Variants in FRAS1 observed in about 807,000 individuals in gnomAD.
FRAS1 encodes extracellular matrix organizing protein FRAS1.
A neutral mutation model predicts 435.2 loss-of-function variants in FRAS1; 290 were observed. The observed-to-expected ratio is 0.67, with a 90% CI of 0.61 to 0.73. The LOEUF is 0.73. Among genes scored for constraint, FRAS1 ranks in the 30% least tolerant of loss-of-function variants. FRAS1 has a pLI of 0.00. For synonymous variants in FRAS1, 1,800 were observed against 1,851.0 expected, an observed-to-expected ratio of 0.97 and a Z score of 0.71; for missense variants, 4,860 against 5,001.5, an observed-to-expected ratio of 0.97 and a Z score of 0.85.
chr4:78,103,205 T>C (rs1200107282), intron 2 of FRAS1, among the ~76,000 whole-genome samples: 1 of 152,252 alleles, frequency 6.6e-6, no homozygotes, highest in Non-Finnish European at 1.5e-5. Flanking sequence ...AACTGGTGGA[T>C]AAACTCATGG....
At chr4:78,152,926 A>C (rs1402520186) in intron 2 of FRAS1, among the ~76,000 whole-genome samples, 1 of 152,070 alleles carries the variant, frequency 6.6e-6, no homozygotes, top group African/African-American at 2.4e-5. Flanking sequence ...CGTCCTACTC[A>C]GTTTACTGCC....
intron 2 of FRAS1, among the ~76,000 whole-genome samples, chr4:78,217,591 C>G (rs1723823873): frequency 6.6e-6 from 1 of 152,088 alleles, no homozygotes; most frequent in African/African-American, 2.4e-5. Context: ...GTTTAGTCTG[C>G]TTATACCTAT....
At chr4:78,290,267 T>C (rs918958807) in intron 14 of FRAS1, among the ~76,000 whole-genome samples, 1 of 152,190 alleles carries the variant, frequency 6.6e-6, no homozygotes, top group Non-Finnish European at 1.5e-5. Context: ...GTATCAATGT[T>C]TTGTTTGTCT....
chr4:78,200,574 G>T (rs891263960), intron 2 of FRAS1, among the ~76,000 whole-genome samples: 6 of 152,050 alleles, frequency 3.9e-5, no homozygotes, highest in African/African-American at 1.4e-4. Context: ...TTTTGAAGCG[G>T]GTAAAGGGAT....
chr4:78,387,800 G>C, intron 29 of FRAS1, 99 bp downstream of exon 29: 1 of 786,866 alleles, frequency 1.3e-6, no homozygotes, highest in Non-Finnish European at 1.9e-6. Context: ...GATATGGGTA[G>C]TCATTCACTT....
intron 47 of FRAS1, among the ~76,000 whole-genome samples, chr4:78,452,993 A>T (rs189554009): frequency 6.6e-6 from 1 of 152,208 alleles, no homozygotes; most frequent in Admixed American, 6.5e-5. Context: ...GAGTTTGGGT[A>T]TACAGAATTT....
chr4:78,071,432 T>C (rs769321608), intron 2 of FRAS1: 2 of 152,218 alleles, frequency 1.3e-5, no homozygotes, highest in Admixed American at 6.5e-5. Context: ...GAGTGAGTTA[T>C]AGAGTCCAGG....
chr4:78,116,014 A>T (rs1743143858), intron 2 of FRAS1, among the ~76,000 whole-genome samples: 1 of 152,044 alleles, frequency 6.6e-6, no homozygotes, highest in Non-Finnish European at 1.5e-5. Flanking sequence ...TGTCCCAGAG[A>T]TTCTGGTATG....
At chr4:78,398,754 G>A (rs1341128306) in intron 29 of FRAS1, among the ~76,000 whole-genome samples, 3 of 152,174 alleles carry the variant, frequency 2.0e-5, no homozygotes, top group Non-Finnish European at 4.4e-5. Context: ...GGAGGCCGAG[G>A]CAGGCAGATC....
At chr4:78,204,487 C>A (rs1319295797) in intron 2 of FRAS1, among the ~76,000 whole-genome samples, 8 of 152,164 alleles carry the variant, frequency 5.3e-5, no homozygotes, top group African/African-American at 1.9e-4. Context: ...TAAGTGCTAA[C>A]TAAAGGAATA....
At chr4:78,378,298 A>G (rs1421579176) in intron 26 of FRAS1, among the ~76,000 whole-genome samples, 1 of 152,164 alleles carries the variant, frequency 6.6e-6, no homozygotes, top group Non-Finnish European at 1.5e-5. Context: ...ATTTTGTGAC[A>G]TACCACATTT....
chr4:78,171,309 C>G (rs987604970), intron 2 of FRAS1, among the ~76,000 whole-genome samples: 1 of 152,178 alleles, frequency 6.6e-6, no homozygotes, highest in South Asian at 2.1e-4. Context: ...AGGCCTATAT[C>G]TGCCAGAATG....
intron 22 of FRAS1, among the ~76,000 whole-genome samples, chr4:78,369,436 G>T (rs556183558): frequency 6.6e-6 from 1 of 152,126 alleles, no homozygotes. Context: ...AATAAAGTTG[G>T]TGCCTAATTT....
chr4:78,476,817 GA>G (rs1303005299), intron 54 of FRAS1, among the ~76,000 whole-genome samples: 1 of 152,040 alleles, frequency 6.6e-6, no homozygotes, highest in Non-Finnish European at 1.5e-5. Context: ...TTTTCTGTTT[GA>G]GTAAAATTTT....
chr4:78,074,727 G>C (rs1203036693), intron 2 of FRAS1, among the ~76,000 whole-genome samples: 4 of 152,150 alleles, frequency 2.6e-5, no homozygotes, highest in Non-Finnish European at 4.4e-5. Context: ...GTGTGGAACT[G>C]CTAATATTGT....
At chr4:78,410,255 A>C (rs1343835494) in intron 31 of FRAS1, among the ~76,000 whole-genome samples, 3 of 152,202 alleles carry the variant, frequency 2.0e-5, no homozygotes, top group Non-Finnish European at 4.4e-5. Context: ...TGCTTTTGTA[A>C]TTTGGTTACT....
chr4:78,333,955 C>A (rs72866349), intron 19 of FRAS1, among the ~76,000 whole-genome samples: 6,716 of 151,922 alleles, frequency 0.044, 421 homozygotes, highest in African/African-American at 0.14. Flanking sequence ...ACATATGTGC[C>A]ACCATGCTTG....
chr4:78,150,698 T>C (rs538248640), intron 2 of FRAS1, among the ~76,000 whole-genome samples: 2 of 152,308 alleles, frequency 1.3e-5, no homozygotes, highest in South Asian at 2.1e-4. Context: ...TGGGGGAAAC[T>C]AGCTTGTAAA....
At chr4:78,182,066 G>A (rs1191507820) in intron 2 of FRAS1, 1 of 1,505,102 alleles carries the variant, frequency 6.6e-7, no homozygotes, top group Non-Finnish European at 8.8e-7. Flanking sequence ...TCGGCGGCGG[G>A]TTCCTCTACG....
Sources: allele counts gnomAD v4.1 joint callset (sites outside exome capture counted in the v4.1 genomes callset), GRCh38; gene constraint gnomAD v4.1.1; transcripts MANE v1.5; gene names NCBI Gene and HGNC (gene_info 2026-07-23, HGNC 2026-07-21).